DNER: variants seen among roughly 807,000 people sequenced by gnomAD.
DNER encodes delta and Notch-like epidermal growth factor-related receptor.
A neutral mutation model predicts 78.2 loss-of-function variants in DNER; 33 were observed. The ratio of observed to expected loss-of-function variants is 0.42; its 90% CI spans 0.32 to 0.56. The LOEUF (loss-of-function observed/expected upper bound fraction) is 0.56. DNER is among the 20% of genes least tolerant of loss of function. DNER has a pLI of 0.11. For missense variants in DNER, 918 were observed against 975.3 expected (o/e 0.94, Z 0.78); for synonymous variants, 417 against 384.8 (o/e 1.08, Z -0.98).
At chr2:229,362,123 C>A (rs930324202) in intron 12 of DNER, among the ~76,000 whole-genome samples, 2 of 152,214 alleles carry the variant, frequency 1.3e-5, no homozygotes, top group African/African-American at 2.4e-5. Context: ...GCTCCATCTG[C>A]GGCTCCTTCC....
At position 229,551,001 on chromosome 2, in the gene DNER, T is replaced by G. The variant is rs548590019; in HGVS notation, c.848-3909A>C. Among the ~76,000 whole-genome samples the G allele has an allele frequency of 1.4e-4, 21 of 152,316 alleles. 1 individual carries two copies. The South Asian group carries it at 3.5e-3, about 26-fold the overall frequency. ...TTGAAGTCCTTGCACACTAAGGTGTTGCACACTCCTAAAGCCTGTTTTCAC... is the reference window on the plus strand; with the variant it reads ...TTGAAGTCCTTGCACACTAAGGTGTGGCACACTCCTAAAGCCTGTTTTCAC... On this transcript the variant is annotated intron_variant, in intron 4 of 12. Coordinates refer to ENST00000341772, the MANE Select transcript of DNER (RefSeq NM_139072.4).
At position 229,644,275 on chromosome 2, in the gene DNER, T is replaced by G. The variant is rs1426453875; in HGVS notation, c.277-52387A>C. Among the ~76,000 whole-genome samples, 5 of 151,716 alleles carry G rather than the reference T, an allele frequency of 3.3e-5. No homozygotes were observed. In the East Asian group the frequency reaches 9.6e-4, roughly 29 times the overall value. Reference sequence around the variant, plus strand: ...GGGGTATCCATCCCCTCAAGCATGGTCACTATACTTTGCTTAAATACCCTC... The same window carrying G: ...GGGGTATCCATCCCCTCAAGCATGGGCACTATACTTTGCTTAAATACCCTC... On this transcript the variant is annotated intron_variant, in intron 1 of 12. Coordinates refer to ENST00000341772, the MANE Select transcript of DNER (RefSeq NM_139072.4).
intron 1 of DNER, among the ~76,000 whole-genome samples, chr2:229,683,634 G>T (rs528677473): frequency 1.3e-5 from 2 of 152,120 alleles, no homozygotes; most frequent in Non-Finnish European, 2.9e-5. Flanking sequence ...TGATGGTGAC[G>T]ATGATGATGA....
chr2:229,388,613 A>C, intron 10 of DNER, among the ~76,000 whole-genome samples: 1 of 64,872 alleles, frequency 1.5e-5, no homozygotes, highest in Admixed American at 1.7e-4. Flanking sequence ...ATATATATAT[A>C]TATATATATA....
rs989847564 is a variant in DNER, at chr2:229,551,660, G to A, written c.848-4568C>T. On this transcript the variant is annotated intron_variant, in intron 4 of 12. Coordinates refer to ENST00000341772, the MANE Select transcript of DNER (RefSeq NM_139072.4). ...AAAAAAAACATAAATAAGGAAGGGCGCAGTGGCTCATGCCTGTAATCCCAG... is the reference window on the plus strand; with the variant it reads ...AAAAAAAACATAAATAAGGAAGGGCACAGTGGCTCATGCCTGTAATCCCAG... Among the ~76,000 whole-genome samples, 9 of 149,356 alleles carry A rather than the reference G, an allele frequency of 6.0e-5. No homozygotes were observed. In the South Asian group the frequency reaches 8.5e-4, roughly 14 times the overall value.
chr2:229,681,806 G>A (rs1699390712), intron 1 of DNER, among the ~76,000 whole-genome samples: 1 of 141,366 alleles, frequency 7.1e-6, no homozygotes, highest in African/African-American at 2.6e-5. Context: ...ATAGGTTAAG[G>A]AATTGTATAC....
chr2:229,713,993 G>A (rs1381732787), intron 1 of DNER, among the ~76,000 whole-genome samples, 155 bp downstream of exon 1: 1 of 152,188 alleles, frequency 6.6e-6, no homozygotes, highest in Admixed American at 6.5e-5. Context: ...GGGGGTCCGC[G>A]TCCACGCGGG....
chr2:229,607,065 A>C (rs1391774255), intron 1 of DNER, among the ~76,000 whole-genome samples: 1 of 152,192 alleles, frequency 6.6e-6, no homozygotes, highest in East Asian at 1.9e-4. Flanking sequence ...CATACAAGGA[A>C]ATAAGCCACC....
rs371998318 is a variant in DNER, at chr2:229,537,463, A to G, written c.993+9484T>C. ...CATTCTTGTCCTACCTTTACTATATATTAGCTCTTGGGCCTTGGATAAACG... is the reference window on the plus strand; with the variant it reads ...CATTCTTGTCCTACCTTTACTATATGTTAGCTCTTGGGCCTTGGATAAACG... On this transcript the variant is annotated intron_variant, in intron 5 of 12. Transcript: ENST00000341772. 2.0e-5 allele frequency among the ~76,000 whole-genome samples: 3 copies of G among 152,120 alleles called. No individual in the cohort carries two copies. The South Asian group carries it at 6.2e-4, about 32-fold the overall frequency.
At chr2:229,707,971 G>A (rs973139313) in intron 1 of DNER, among the ~76,000 whole-genome samples, 12 of 152,212 alleles carry the variant, frequency 7.9e-5, no homozygotes, top group Non-Finnish European at 1.3e-4. Context: ...CATTTTCACA[G>A]ATGATAAAAC....
chr2:229,582,436 A>G (rs1356240267), intron 4 of DNER, among the ~76,000 whole-genome samples: 1 of 152,120 alleles, frequency 6.6e-6, no homozygotes, highest in Non-Finnish European at 1.5e-5. Flanking sequence ...TTTGAAGAGA[A>G]TAACACCAAA....
chr2:229,393,674 C>T (rs532051906), intron 10 of DNER, among the ~76,000 whole-genome samples: 3 of 152,094 alleles, frequency 2.0e-5, no homozygotes, highest in Non-Finnish European at 2.9e-5. Context: ...GGTGAAACCC[C>T]GTCTCTACTA....
At chr2:229,460,784 A>T (rs1258470932) in intron 7 of DNER, among the ~76,000 whole-genome samples, 2 of 152,124 alleles carry the variant, frequency 1.3e-5, no homozygotes, top group Non-Finnish European at 2.9e-5. Flanking sequence ...TTGAGTCAAA[A>T]CTAGCTTGTC....
intron 1 of DNER, among the ~76,000 whole-genome samples, chr2:229,612,559 C>T (rs189607850): frequency 1.7e-4 from 26 of 152,354 alleles, no homozygotes; most frequent in Admixed American, 1.3e-3. Flanking sequence ...ACAAAGAGAG[C>T]TGTCCCTCGG....
chr2:229,447,647 C>T (rs915451431), intron 7 of DNER, 107 bp from the exon 8 acceptor site: 1 of 1,222,610 alleles, frequency 8.2e-7, no homozygotes, highest in Non-Finnish European at 1.1e-6. Flanking sequence ...AATTCATTCA[C>T]AGCTTCCAGA....
At chr2:229,417,701 T>C (rs1574834265) in intron 9 of DNER, among the ~76,000 whole-genome samples, 1 of 152,074 alleles carries the variant, frequency 6.6e-6, no homozygotes, top group African/African-American at 2.4e-5. Context: ...TACATGGGAC[T>C]CCGCCTGCCT....
chr2:229,674,260 C>T (rs1344397550), intron 1 of DNER, among the ~76,000 whole-genome samples: 2 of 152,178 alleles, frequency 1.3e-5, no homozygotes, highest in Admixed American at 6.5e-5. Flanking sequence ...CTGGATGTGA[C>T]CCAGACAGAC....
At chr2:229,454,148 A>T (rs1486922739) in intron 7 of DNER, among the ~76,000 whole-genome samples, 1 of 152,174 alleles carries the variant, frequency 6.6e-6, no homozygotes, top group Admixed American at 6.5e-5. Flanking sequence ...GCCAGTGACC[A>T]GCTAAGCTTG....
intron 10 of DNER, among the ~76,000 whole-genome samples, chr2:229,405,822 C>T (rs1037232133): frequency 6.6e-6 from 1 of 151,822 alleles, no homozygotes; most frequent in African/African-American, 2.4e-5. Flanking sequence ...ATTTTTTTTC[C>T]ATAGTCCTAT....
Sources: gnomAD v4.1 joint callset for allele counts (sites outside exome capture counted in the v4.1 genomes callset) on GRCh38, gnomAD v4.1.1 for gene constraint, MANE v1.5 for transcripts, NCBI Gene and HGNC (gene_info 2026-07-23, HGNC 2026-07-21) for gene names.